Variants in GLIPR1L2 observed in about 807,000 individuals in gnomAD.
GLIPR1L2 encodes the protein GLIPR1 like 2, also known as GLIPR1-like protein 2.
In GLIPR1L2, 21 loss-of-function variants were observed where a neutral mutation model predicts 28.4. That is an observed-to-expected ratio of 0.74 (90% CI 0.52 to 1.06). The LOEUF is 1.06. GLIPR1L2 is among the 50% of genes least tolerant of loss of function. The pLI is 0.00. For synonymous variants in GLIPR1L2, 145 were observed against 139.3 expected (o/e 1.04, Z -0.29); for missense variants, 476 against 416.9 (o/e 1.14, Z -1.23).
At position 75,398,029 on chromosome 12, in the gene GLIPR1L2, TAAA is replaced by T. The variant is rs71078728; in HGVS notation, c.234+6696_234+6698del. Among the ~76,000 whole-genome samples the T allele has an allele frequency of 1.6e-3, 217 of 138,192 alleles. 1 individual carries two copies. The highest frequency in any genetic ancestry group is 3.9e-3 in the Admixed American group (54 of 13,938). The allele number at this position is 138,192 out of a possible 152,430, so 90.7% of individuals were successfully genotyped here. A position where few individuals can be genotyped will look rare whatever the true frequency, so the allele number is the denominator to read the frequency against. On this transcript the variant is annotated intron_variant, in intron 1 of 5. Coordinates refer to ENST00000550916, the MANE Select transcript of GLIPR1L2 (RefSeq NM_001270396.2). ...CTTCCTTTGAGCTCAGCTGTGGATT[TAAA>T]AAAAAAAAAAAAAAAATGCCGGGAG...
At chr12:75,417,775 A>C (rs1594022432) in intron 3 of GLIPR1L2, among the ~76,000 whole-genome samples, 1 of 131,824 alleles carries the variant, frequency 7.6e-6, no homozygotes, top group African/African-American at 2.6e-5. Context: ...TCAGAAAAAA[A>C]CTGAAACTAT....
chr12:75,421,806 G>GTATATATAAA (rs1566076552), intron 3 of GLIPR1L2, among the ~76,000 whole-genome samples: 70 of 152,112 alleles, frequency 4.6e-4, no homozygotes, highest in African/African-American at 1.6e-3. Context: ...AAATTTATGT[G>GTATATATAAA]TTTTTATATA....
chr12:75,391,106 GC>G lies in GLIPR1L2; in HGVS notation c.-9del. 1 of 1,601,854 alleles carries G rather than the reference GC, an allele frequency of 6.2e-7. No individual in the cohort carries two copies. The highest frequency in any genetic ancestry group is 8.5e-7 in the Non-Finnish European group (1 of 1,170,520). ...GCGCGTGCGCACTGGCCTGTCAGCG[GC>G]CGGTGGACCATGGAGGCCGCAAGGC... On this transcript the variant is annotated 5_prime_UTR_variant, in exon 1 of 6. Coordinates refer to ENST00000550916, the MANE Select transcript of GLIPR1L2 (RefSeq NM_001270396.2).
At chr12:75,429,309 A>G (rs1452668806) in intron 4 of GLIPR1L2, among the ~76,000 whole-genome samples, 5 of 151,328 alleles carry the variant, frequency 3.3e-5, no homozygotes, top group African/African-American at 1.2e-4. Flanking sequence ...TTAAGATGTA[A>G]TGACTGTCCT....
intron 2 of GLIPR1L2, 89 bp downstream of exon 2, chr12:75,410,768 C>T: frequency 1.0e-6 from 1 of 971,850 alleles, no homozygotes; most frequent in Admixed American, 3.0e-5. Flanking sequence ...TACATAAACT[C>T]AAATAATAAA....
chr12:75,397,706 T>C (rs904482730), intron 1 of GLIPR1L2, among the ~76,000 whole-genome samples: 1 of 152,156 alleles, frequency 6.6e-6, no homozygotes, highest in Admixed American at 6.5e-5. Context: ...ATAGGATAGA[T>C]CTAGAACTGA....
At chr12:75,411,427 T>G (rs2045866092) in intron 2 of GLIPR1L2, among the ~76,000 whole-genome samples, 1 of 151,938 alleles carries the variant, frequency 6.6e-6, no homozygotes, top group African/African-American at 2.4e-5. Flanking sequence ...CTTTGGAATT[T>G]GTTCATGTTG....
At chr12:75,418,773 T>C (rs886433657) in intron 3 of GLIPR1L2, among the ~76,000 whole-genome samples, 2 of 152,202 alleles carry the variant, frequency 1.3e-5, no homozygotes, top group Admixed American at 1.3e-4. Flanking sequence ...TTGGGCAGTA[T>C]GGCCATTTTC....
chr12:75,427,462 G>C (rs2046045644), intron 4 of GLIPR1L2, among the ~76,000 whole-genome samples: 1 of 152,138 alleles, frequency 6.6e-6, no homozygotes, highest in Non-Finnish European at 1.5e-5. Flanking sequence ...AGATCCAAAG[G>C]AAGGTCAGTT....
chr12:75,427,932 A>G (rs997111176), intron 4 of GLIPR1L2, among the ~76,000 whole-genome samples: 17 of 152,146 alleles, frequency 1.1e-4, no homozygotes, highest in African/African-American at 4.1e-4. Flanking sequence ...TTTCTTTGTA[A>G]ATTATCCAGT....
rs2046095397 is a variant in GLIPR1L2, at chr12:75,431,818, T to C, written c.*657T>C. 1.3e-5 allele frequency: 2 copies of C among 152,096 alleles called. 1 individual carries two copies. The highest frequency in any genetic ancestry group is 4.1e-4 in the South Asian group (2 of 4,826). The allele number at this position is 152,096 out of a possible 1,614,324, so 9.4% of individuals were successfully genotyped here. On this transcript the variant is annotated 3_prime_UTR_variant, in exon 6 of 6. Transcript: ENST00000550916. ...TAATAAATGCCATAATTTTAATTAG[T>C]TGTGGTAGAGGAATCTGGGTGCTTC...
Position 75,410,684 on chromosome 12 carries a change from G to A in GLIPR1L2, c.480+5G>A. 1.9e-6 allele frequency: 3 copies of A among 1,569,670 alleles called. No individual in the cohort carries two copies. Among genetic ancestry groups the A allele is most frequent in the Non-Finnish European group, 2.6e-6 (3 of 1,155,966 alleles). On this transcript the variant is annotated splice_donor_5th_base_variant and intron_variant, in intron 2 of 5. Transcript: ENST00000550916. Reference sequence around the variant, plus strand: ...GACTGTTCTAATTATATTCAGGTATGTAATTTTTATTTTGTTATTAATTCA... The same window carrying A: ...GACTGTTCTAATTATATTCAGGTATATAATTTTTATTTTGTTATTAATTCA...
At chr12:75,413,510 C>A (rs900040252) in intron 2 of GLIPR1L2, 88 bp from the exon 3 acceptor site, 2 of 730,280 alleles carry the variant, frequency 2.7e-6, no homozygotes, top group East Asian at 2.9e-5. Context: ...GTGAAAAGTT[C>A]TATGTGAATG....
In GLIPR1L2 at chr12:75,424,566, C is replaced by T. The variant is rs112805638; in HGVS notation, c.670+1577C>T. ...GCTCAGGTGATCCTCCTGCCTCAGC[C>T]TCCCAAGTAGCTAATACTACGGACA... On this transcript the variant is annotated intron_variant, in intron 4 of 5. Transcript: ENST00000550916. 2.6e-3 allele frequency among the ~76,000 whole-genome samples: 401 copies of T among 152,172 alleles called. 1 individual carries two copies. The highest frequency in any genetic ancestry group is 8.7e-3 in the African/African-American group (362 of 41,526).
At position 75,425,333 on chromosome 12, in the gene GLIPR1L2, T is replaced by G. The variant is rs2046023315; in HGVS notation, c.670+2344T>G. ...CATGTTGGAGTGGGCTGAGAAGAGA[T>G]TTCAGAACCTAAGCCAGTAAAGGGG... On this transcript the variant is annotated intron_variant, in intron 4 of 5. Transcript: ENST00000550916. 2.6e-5 allele frequency among the ~76,000 whole-genome samples: 4 copies of G among 151,850 alleles called. No homozygotes were observed. In the South Asian group the frequency reaches 8.3e-4, roughly 31 times the overall value.
intron 3 of GLIPR1L2, among the ~76,000 whole-genome samples, chr12:75,421,346 A>T (rs1382624507): frequency 6.6e-6 from 1 of 152,230 alleles, no homozygotes; most frequent in Non-Finnish European, 1.5e-5. Context: ...GATAGACTTG[A>T]ATGCTTACAA....
chr12:75,404,782 A>G (rs1441569973), intron 1 of GLIPR1L2, among the ~76,000 whole-genome samples: 1 of 152,168 alleles, frequency 6.6e-6, no homozygotes, highest in Admixed American at 6.5e-5. Flanking sequence ...CAAGGAAATA[A>G]CTTGAGATGC....
chr12:75,414,871 A>C (rs2139949885), intron 3 of GLIPR1L2, among the ~76,000 whole-genome samples: 1 of 152,216 alleles, frequency 6.6e-6, no homozygotes, highest in East Asian at 1.9e-4. Flanking sequence ...CACCACATTG[A>C]GTTTATAGTC....
intron 3 of GLIPR1L2, among the ~76,000 whole-genome samples, chr12:75,422,343 G>GC (rs1490698027): frequency 6.9e-6 from 1 of 143,924 alleles, no homozygotes; most frequent in African/African-American, 2.6e-5. Context: ...TCACTCTGTT[G>GC]CCCAGGCTGG....
Sources: allele counts gnomAD v4.1 joint callset (sites outside exome capture counted in the v4.1 genomes callset), GRCh38; gene constraint gnomAD v4.1.1; transcripts MANE v1.5; gene names NCBI Gene and HGNC (gene_info 2026-07-23, HGNC 2026-07-21).